Variants in PPP1R9A observed in about 807,000 individuals in gnomAD.
PPP1R9A encodes neurabin-1.
PPP1R9A carries 59 observed loss-of-function variants against 141.9 expected under a neutral mutation model. The ratio of observed to expected loss-of-function variants is 0.42; its 90% CI spans 0.34 to 0.52. PPP1R9A has a LOEUF of 0.52. Among genes scored for constraint, PPP1R9A ranks in the 20% least tolerant of loss-of-function variants. The probability of loss-of-function intolerance (pLI) is 0.10; values close to 1 mark genes in which losing one functional copy is unlikely to be tolerated. For missense variants in PPP1R9A, 1,444 were observed against 1,611.9 expected, an observed-to-expected ratio of 0.90 and a Z score of 1.78; for synonymous variants, 500 against 569.7, an observed-to-expected ratio of 0.88 and a Z score of 1.74.
intron 12 of PPP1R9A, among the ~76,000 whole-genome samples, chr7:95,266,205 G>T (rs1801258258): frequency 6.6e-6 from 1 of 152,142 alleles, no homozygotes; most frequent in Admixed American, 6.6e-5. Flanking sequence ...GTTTACAAAA[G>T]TGGAGTGAGA....
chr7:94,961,997 G>A (rs749107894), intron 2 of PPP1R9A, among the ~76,000 whole-genome samples: 6 of 151,734 alleles, frequency 4.0e-5, no homozygotes, highest in African/African-American at 9.7e-5. Context: ...ATTGGGTTTC[G>A]GGATAGAAAC....
intron 2 of PPP1R9A, among the ~76,000 whole-genome samples, chr7:94,957,055 A>C (rs1348109910): frequency 1.3e-5 from 2 of 152,198 alleles, no homozygotes; most frequent in East Asian, 3.9e-4. Context: ...GAAATGGCAG[A>C]GTTCTCTGCC....
intron 5 of PPP1R9A, among the ~76,000 whole-genome samples, chr7:95,172,327 A>G (rs1229701980): frequency 1.3e-5 from 2 of 151,748 alleles, no homozygotes; most frequent in African/African-American, 4.8e-5. Context: ...TTCACAGGCA[A>G]TATGGTCATT....
intron 2 of PPP1R9A, among the ~76,000 whole-genome samples, chr7:95,060,331 G>C (rs1185461646): frequency 2.0e-5 from 3 of 152,156 alleles, no homozygotes; most frequent in African/African-American, 7.2e-5. Flanking sequence ...CCATGCTTTA[G>C]CAAGGGGGTG....
chr7:95,096,088 T>C (rs1817976653), intron 2 of PPP1R9A, among the ~76,000 whole-genome samples: 1 of 152,208 alleles, frequency 6.6e-6, no homozygotes, highest in Admixed American at 6.5e-5. Flanking sequence ...TTTTATTATT[T>C]GACTCTTACA....
At chr7:94,966,627 G>T (rs903514863) in intron 2 of PPP1R9A, among the ~76,000 whole-genome samples, 3 of 152,112 alleles carry the variant, frequency 2.0e-5, no homozygotes, top group Admixed American at 6.5e-5. Flanking sequence ...TTATTAATTT[G>T]CCTGTGTTGA....
At chr7:95,081,280 G>C (rs929288546) in intron 2 of PPP1R9A, among the ~76,000 whole-genome samples, 4 of 152,080 alleles carry the variant, frequency 2.6e-5, no homozygotes, top group African/African-American at 9.7e-5. Context: ...TTTAAAAAGA[G>C]CATAACAAGG....
At chr7:95,260,077 T>C (rs895795665) in intron 12 of PPP1R9A, among the ~76,000 whole-genome samples, 1 of 152,166 alleles carries the variant, frequency 6.6e-6, no homozygotes, top group Non-Finnish European at 1.5e-5. Flanking sequence ...ATGGGAAATT[T>C]TAATGAACAA....
chr7:95,286,065 G>A (rs1805259738), intron 17 of PPP1R9A, 141 bp from the exon 18 acceptor site: 2 of 1,356,452 alleles, frequency 1.5e-6, no homozygotes, highest in Admixed American at 2.5e-5. Context: ...CTCAACCGCT[G>A]CCCCATTGAA....
At chr7:95,040,425 C>G (rs562683504) in intron 2 of PPP1R9A, among the ~76,000 whole-genome samples, 1 of 151,806 alleles carries the variant, frequency 6.6e-6, no homozygotes, top group Admixed American at 6.6e-5. Flanking sequence ...TTATAAGCAG[C>G]CAGCATCCTT....
chr7:95,068,270 G>A (rs1813240558), intron 2 of PPP1R9A, among the ~76,000 whole-genome samples: 1 of 151,980 alleles, frequency 6.6e-6, no homozygotes, highest in South Asian at 2.1e-4. Flanking sequence ...AGGAGTTTGA[G>A]ACCAGCCTGG....
chr7:95,219,758 T>C (rs918481543), intron 7 of PPP1R9A, among the ~76,000 whole-genome samples: 3 of 152,284 alleles, frequency 2.0e-5, no homozygotes, highest in Middle Eastern at 3.4e-3. Flanking sequence ...CCTATGAGAT[T>C]GGTATCTTTT....
chr7:95,226,211 C>A, intron 8 of PPP1R9A, 95 bp downstream of exon 8: 1 of 1,245,728 alleles, frequency 8.0e-7, no homozygotes, highest in South Asian at 2.1e-5. Flanking sequence ...AATCAGTTTG[C>A]AAATCAAAGC....
chr7:95,172,691 T>G (rs1448690472), intron 5 of PPP1R9A, among the ~76,000 whole-genome samples: 1 of 151,876 alleles, frequency 6.6e-6, no homozygotes, highest in African/African-American at 2.4e-5. Flanking sequence ...TCAATATTGT[T>G]AAGATTTCAA....
chr7:94,981,570 A>G (rs1199140088), intron 2 of PPP1R9A, among the ~76,000 whole-genome samples: 3 of 152,146 alleles, frequency 2.0e-5, no homozygotes, highest in Admixed American at 2.0e-4. Context: ...ATTATTACAG[A>G]TAATTATCTT....
In PPP1R9A at chr7:95,090,239, T is replaced by TA. The variant is rs1225912344; in HGVS notation, c.1396-21011dup. Among the ~76,000 whole-genome samples, 60 of 150,516 alleles carry TA rather than the reference T, an allele frequency of 4.0e-4. 1 individual carries two copies. Among genetic ancestry groups the TA allele is most frequent in the African/African-American group, 1.1e-3 (44 of 40,874 alleles). ...TACTGCCTGGCAAATACAAGCTTAT[T>TA]AAAAAAAAACGCCTGATTTTATTTT... On this transcript the variant is annotated intron_variant, in intron 2 of 19. Coordinates refer to ENST00000433360, the MANE Select transcript of PPP1R9A (RefSeq NM_001166160.2).
At position 95,252,148 on chromosome 7, in the gene PPP1R9A, A is replaced by G; in HGVS notation, c.2665+18A>G. On this transcript the variant is annotated intron_variant, in intron 12 of 19. Transcript: ENST00000433360. The stretch of plus-strand genomic sequence containing the variant: ...AAGTCAAGGTTTGTTTAACCCAACC[A>G]CAAAAATCATTTTTGATGACTGTGT... 1 of 1,542,526 alleles carries G rather than the reference A, an allele frequency of 6.5e-7. No individual in the cohort carries two copies. Among genetic ancestry groups the G allele is most frequent in the Non-Finnish European group, 8.7e-7 (1 of 1,151,796 alleles).
At chr7:95,162,305 C>T (rs1830573334) in intron 5 of PPP1R9A, among the ~76,000 whole-genome samples, 1 of 152,086 alleles carries the variant, frequency 6.6e-6, no homozygotes, top group African/African-American at 2.4e-5. Context: ...AACAGTTATA[C>T]AATACTTGAA....
chr7:94,919,173 A>T (rs147422661), intron 2 of PPP1R9A, among the ~76,000 whole-genome samples: 47 of 152,282 alleles, frequency 3.1e-4, no homozygotes, highest in African/African-American at 9.6e-4. Context: ...CCTGTTGCTC[A>T]GGCTGGAGTT....
Sources: gnomAD v4.1 joint callset for allele counts (sites outside exome capture counted in the v4.1 genomes callset) on GRCh38, gnomAD v4.1.1 for gene constraint, MANE v1.5 for transcripts, NCBI Gene and HGNC (gene_info 2026-07-23, HGNC 2026-07-21) for gene names.